The following JAG1 variants were observed in gnomAD, a reference collection of about 807,000 sequenced individuals.
JAG1 encodes the protein jagged canonical Notch ligand 1, also known as protein jagged-1.
A neutral mutation model predicts 148.7 loss-of-function variants in JAG1; 23 were observed. That is an observed-to-expected ratio of 0.15 (90% confidence interval 0.11 to 0.22). The LOEUF is 0.22. JAG1 is among the 10% of genes least tolerant of loss of function. JAG1 has a pLI of 1.00. For missense variants in JAG1, 1,054 were observed against 1,611.2 expected (o/e 0.65, Z 5.92); for synonymous variants, 572 against 598.3 (o/e 0.96, Z 0.64).
rs371805640 is a variant in JAG1 at position 10,640,868 on chromosome 20, A to C, written c.3114T>G (p.Leu1038=). 367 of 1,614,062 alleles carry C rather than the reference A, an allele frequency of 2.3e-4. 2 individuals carry two copies. Among genetic ancestry groups the C allele is most frequent in the Non-Finnish European group, 1.7e-4 (197 of 1,179,998 alleles). Residue 1038 remains leucine, a synonymous_variant, in exon 25 of 26, where the codon CTT becomes CTG. Transcript: ENST00000254958. The part of the protein sequence containing the change: ...IKEITDKIID[L]VSKRDGNSSL... ...AGCTGTTTCCATCACGTTTACTAAC[A>C]AGATCGATTATTTTGTCAGTGATTT...
rs1555828066 is a variant in JAG1 at position 10,644,276 on chromosome 20, T to TCTCTCA, written c.2372+80_2372+81insTGAGAG. 1.1e-3 allele frequency: 985 copies of TCTCTCA among 884,318 alleles called. 4 individuals carry two copies. The highest frequency in any genetic ancestry group is 5.2e-3 in the African/African-American group (295 of 56,854). The allele number at this position is 884,318 out of a possible 1,614,324, so 54.8% of individuals were successfully genotyped here. ...TTTAAACACAATCCCTGGGTGATTCTCACACACACACACACACACACACAC... is the reference window on the plus strand; with the variant it reads ...TTTAAACACAATCCCTGGGTGATTCTCTCTCACACACACACACACACACACACACAC... On this transcript the variant is annotated intron_variant, in intron 19 of 25. Transcript: ENST00000254958.
chr20:10,645,553 T>TA lies in JAG1; in HGVS notation c.2000-85dup. On this transcript the variant is annotated intron_variant, in intron 15 of 25. Coordinates refer to ENST00000254958, the MANE Select transcript of JAG1 (RefSeq NM_000214.3). This position sits in a 1 kb window ranked among gnomAD's most constrained non-coding sequence, Gnocchi z 6.1. ...CGAGAGCCAAGCCTTTCCTACTGCT[T>TA]ACATCCAACATCCTATTCTGAGAAC... 9.8e-7 allele frequency: 1 copy of TA among 1,018,982 alleles called. No homozygotes were observed. Among genetic ancestry groups the TA allele is most frequent in the Non-Finnish European group, 1.5e-6 (1 of 648,458 alleles). 63.1% of individuals were successfully genotyped at this position (1,018,982 alleles called of 1,614,324 possible). A position where few individuals can be genotyped will look rare whatever the true frequency, so the allele number is the denominator to read the frequency against.
At chr20:10,646,859 C>A in intron 14 of JAG1, 80 bp downstream of exon 14, 5 of 1,337,196 alleles carry the variant, frequency 3.7e-6, no homozygotes, top group Non-Finnish European at 3.2e-6. Context: ...CACCAATGAT[C>A]CCAGGGTGGG....
chr20:10,647,793 T>C (rs2067319328), intron 13 of JAG1, among the ~76,000 whole-genome samples, 167 bp downstream of exon 13: 1 of 152,228 alleles, frequency 6.6e-6, no homozygotes, highest in Admixed American at 6.5e-5. Flanking sequence ...CAGGCCGGAA[T>C]AGATTGTTTC....
Position 10,639,682 on chromosome 20 carries a change from T to A in JAG1, c.3473A>T (p.Glu1158Val). 1 of 1,614,246 alleles carries A rather than the reference T, an allele frequency of 6.2e-7. No individual in the cohort carries two copies. Among genetic ancestry groups the A allele is most frequent in the Non-Finnish European group, 8.5e-7 (1 of 1,180,036 alleles). ...CTGCTGGTGTTTGTCCATGTCGTCC[T>A]CTTCTACTTCAGAATTGTGTGTCCT... ...KIRTHNSEVE[E>V]DDMDKHQQKA... The change falls in exon 26 of 26, where the codon GAG (glutamate) becomes GTG (valine). Residue 1158 changes from glutamate to valine, a missense_variant. Glu to Val is a moderately radical substitution (Grantham distance 121). This residue lies in a region of JAG1 where 177 missense variants were observed against 177.3 expected (regional missense o/e 1.00). Transcript: ENST00000254958.
At chr20:10,641,281 T>C (rs747819328) in intron 23 of JAG1, 37 bp from the exon 24 acceptor site, 21 of 1,612,466 alleles carry the variant, frequency 1.3e-5, no homozygotes, top group Non-Finnish European at 1.8e-5. Context: ...ACGTGTAAGA[T>C]TGAGAGGAAG....
At chr20:10,651,831 C>T in intron 7 of JAG1, 137 bp from the exon 8 acceptor site, 1 of 713,020 alleles carries the variant, frequency 1.4e-6, no homozygotes, top group South Asian at 1.5e-5. Context: ...TGTGATAGAA[C>T]CCTGCTGTGT....
chr20:10,651,580 C>T lies in JAG1; in HGVS notation c.1120+1G>A. On this transcript the variant is annotated splice_donor_variant, in intron 8 of 25. Transcript: ENST00000254958. LOFTEE classifies it high-confidence loss of function. ...GGACACAGGCTGAAAATTGGACTTA[C>T]TTGTAGAGCATGTGGGGCCGGTCCA... 6.2e-7 allele frequency: 1 copy of T among 1,604,980 alleles called. No individual in the cohort carries two copies.
chr20:10,643,740 T>G, intron 20 of JAG1, 38 bp downstream of exon 20: 1 of 1,531,108 alleles, frequency 6.5e-7, no homozygotes, highest in South Asian at 1.1e-5. Context: ...AATGAAGCGG[T>G]AAAGCCATTG....
chr20:10,652,927 C>T (rs1276967489), intron 5 of JAG1, among the ~76,000 whole-genome samples: 3 of 151,798 alleles, frequency 2.0e-5, no homozygotes, highest in South Asian at 2.1e-4. Flanking sequence ...CACCTAGTTG[C>T]GACAGACTAT....
intron 5 of JAG1, among the ~76,000 whole-genome samples, chr20:10,655,178 G>T (rs2067370544): frequency 6.6e-6 from 1 of 152,210 alleles, no homozygotes; most frequent in Non-Finnish European, 1.5e-5. Flanking sequence ...CCCTTGCATG[G>T]GAGGGGAACA....
At chr20:10,644,098 T>C (rs1443128990) in intron 19 of JAG1, among the ~76,000 whole-genome samples, 1 of 152,266 alleles carries the variant, frequency 6.6e-6, no homozygotes, top group Non-Finnish European at 1.5e-5. Context: ...GATTCTGGTG[T>C]GCAGCCAAGG....
chr20:10,650,418 A>G (rs1346424341), intron 8 of JAG1, 58 bp from the exon 9 acceptor site: 2 of 917,916 alleles, frequency 2.2e-6, no homozygotes, highest in African/African-American at 1.6e-5. Context: ...TGACAATTAG[A>G]TCCTTTAACA....
At chr20:10,668,481 C>T (rs979900176) in intron 2 of JAG1, among the ~76,000 whole-genome samples, 15 of 152,226 alleles carry the variant, frequency 9.9e-5, no homozygotes, top group Non-Finnish European at 1.9e-4. Flanking sequence ...TGGATTACAA[C>T]GCTAATTGTA....
chr20:10,658,639 C>T lies in JAG1; in HGVS notation c.523G>A (p.Gly175Ser). 1 of 1,614,222 alleles carries T rather than the reference C, an allele frequency of 6.2e-7. No homozygotes were observed. The highest frequency in any genetic ancestry group is 1.1e-5 in the South Asian group (1 of 91,082). The change falls in exon 4 of 26, where the codon GGC (glycine) becomes AGC (serine). Residue 175 changes from glycine (G) to serine (S), a missense_variant. Gly to Ser is a moderately conservative substitution (Grantham distance 56). Around this residue, in one of 6 missense-constraint regions of JAG1, gnomAD observed 104 missense variants for 235.2 expected, o/e 0.44. Coordinates refer to ENST00000254958, the MANE Select transcript of JAG1 (RefSeq NM_000214.3). ...ATCTGATACTCAAAGTGGGCAACGC[C>T]CGTGTTCTGCTTCAGCGTCTGCCAC... ...RQWQTLKQNT[G>S]VAHFEYQIRV...
rs1388013744 is a variant in JAG1, at chr20:10,647,924, T to G, written c.1720+36A>C. The stretch of plus-strand genomic sequence containing the variant: ...AGTAAGTGGGGACAAAAGGAGCAAG[T>G]CTGGAGACAGCCAGGTCCCGGGAGA... On this transcript the variant is annotated intron_variant, in intron 13 of 25. Transcript: ENST00000254958. 2.5e-6 allele frequency: 4 copies of G among 1,612,306 alleles called. No homozygotes were observed. The African/African-American group carries it at 5.3e-5, about 22-fold the overall frequency.
chr20:10,642,622 G>C (rs2067280872), intron 20 of JAG1, 21 bp from the exon 21 acceptor site: 1 of 1,372,248 alleles, frequency 7.3e-7, no homozygotes, highest in South Asian at 1.2e-5. Flanking sequence ...TGGAGTTCAA[G>C]TTTAGGGACT....
rs752615892 is a variant in JAG1, at chr20:10,642,484, A to G, written c.2572+4T>C. On this transcript the variant is annotated splice_donor_region_variant and intron_variant, in intron 21 of 25. Coordinates refer to ENST00000254958, the MANE Select transcript of JAG1 (RefSeq NM_000214.3). ...CATGGGCAGCTGAAGCCTGGCACAC[A>G]TACCTTCCTGGCACTTGGCACCACT... 1.9e-6 allele frequency: 3 copies of G among 1,582,946 alleles called. No homozygotes were observed. Among genetic ancestry groups the G allele is most frequent in the Non-Finnish European group, 1.7e-6 (2 of 1,151,544 alleles).
chr20:10,648,144 G>T (rs373168889), intron 12 of JAG1, 34 bp from the exon 13 acceptor site: 66 of 1,613,620 alleles, frequency 4.1e-5, no homozygotes, highest in Admixed American at 1.7e-4. Flanking sequence ...AAGGGGGAGG[G>T]ATCAGAGTAA....
Sources: gnomAD v4.1 joint callset for allele counts (sites outside exome capture counted in the v4.1 genomes callset) on GRCh38, gnomAD v4.1.1 for gene constraint, gnomAD v4.1.1 regional missense constraint, Gnocchi (gnomAD v3.1) non-coding constraint, MANE v1.5 for transcripts, NCBI Gene and HGNC (gene_info 2026-07-23, HGNC 2026-07-21) for gene names.